Variants in LDHC observed in about 807,000 individuals in gnomAD.
LDHC encodes lactate dehydrogenase C, also known as L-lactate dehydrogenase C chain.
Under a neutral mutation model 30.2 loss-of-function variants are expected in LDHC, and 20 were observed. The ratio of observed to expected loss-of-function variants is 0.66; its 90% CI spans 0.47 to 0.96. The LOEUF (loss-of-function observed/expected upper bound fraction) is 0.96. Among genes scored for constraint, LDHC ranks in the 40% least tolerant of loss-of-function variants. LDHC has a pLI of 0.00. For synonymous variants in LDHC, 139 were observed against 132.7 expected, an observed-to-expected ratio of 1.05 and a Z score of -0.32; for missense variants, 362 against 394.9, an observed-to-expected ratio of 0.92 and a Z score of 0.71.
chr11:18,442,738 C>T (rs569536274), intron 6 of LDHC, among the ~76,000 whole-genome samples: 1 of 145,664 alleles, frequency 6.9e-6, no homozygotes, highest in African/African-American at 2.5e-5. Flanking sequence ...TTTTGGCTCA[C>T]TGCAACCTCC....
intron 4 of LDHC, among the ~76,000 whole-genome samples, chr11:18,432,818 C>T (rs1848291652): frequency 6.6e-6 from 1 of 152,150 alleles, no homozygotes; most frequent in Non-Finnish European, 1.5e-5. Context: ...CATGAAATGC[C>T]TTTTTCCACC....
At chr11:18,443,633 T>A (rs1848504039) in intron 6 of LDHC, among the ~76,000 whole-genome samples, 1 of 152,038 alleles carries the variant, frequency 6.6e-6, no homozygotes, top group South Asian at 2.1e-4. Flanking sequence ...CCACTTTTTG[T>A]ATTTTTGGTA....
Position 18,451,249 on chromosome 11 carries a change from TAACTC to T in LDHC, c.*123_*127del, listed in dbSNP as rs367740037. 59 of 598,880 alleles carry T rather than the reference TAACTC, an allele frequency of 9.9e-5. 1 individual carries two copies. The African/African-American group carries it at 1.1e-3, about 11-fold the overall frequency. The allele number at this position is 598,880 out of a possible 1,614,324, so 37.1% of individuals were successfully genotyped here. ...AAAAACAAATTGGAGACCTGTGACA[TAACTC>T]TAGTCTCTCAAGATTAGAACGAGCA... On this transcript the variant is annotated 3_prime_UTR_variant, in exon 8 of 8. Transcript: ENST00000541669.
chr11:18,429,434 C>T (rs529280916), intron 3 of LDHC, among the ~76,000 whole-genome samples: 43 of 152,162 alleles, frequency 2.8e-4, no homozygotes, highest in African/African-American at 9.4e-4. Flanking sequence ...TCTAAGAAGG[C>T]AGAGAGCTGA....
At chr11:18,446,188 T>C (rs916558049) in intron 6 of LDHC, 22 bp from the exon 7 acceptor site, 1 of 1,585,378 alleles carries the variant, frequency 6.3e-7, no homozygotes, top group Non-Finnish European at 8.6e-7. Context: ...GAATTTGATT[T>C]TCTTACTTTC....
At chr11:18,430,878 A>G (rs1388440017) in intron 4 of LDHC, among the ~76,000 whole-genome samples, 2 of 152,196 alleles carry the variant, frequency 1.3e-5, no homozygotes, top group African/African-American at 4.8e-5. Context: ...GAAATTACCA[A>G]ACAGGTTGGG....
intron 3 of LDHC, among the ~76,000 whole-genome samples, chr11:18,425,551 T>C (rs1482752772): frequency 1.3e-5 from 2 of 152,022 alleles, no homozygotes; most frequent in African/African-American, 4.8e-5. Flanking sequence ...TGGCCTTTTG[T>C]GTGGTTTTAA....
At chr11:18,444,048 A>T (rs937645480) in intron 6 of LDHC, among the ~76,000 whole-genome samples, 8 of 152,120 alleles carry the variant, frequency 5.3e-5, no homozygotes, top group African/African-American at 1.9e-4. Flanking sequence ...TTGTCTAACC[A>T]CCAATTGCAG....
At chr11:18,416,979 G>A (rs969480553) in intron 3 of LDHC, among the ~76,000 whole-genome samples, 1 of 152,118 alleles carries the variant, frequency 6.6e-6, no homozygotes, top group African/African-American at 2.4e-5. Flanking sequence ...CACCTCCGAG[G>A]TTCAAACGAT....
intron 4 of LDHC, among the ~76,000 whole-genome samples, chr11:18,434,495 T>C (rs1848322492): frequency 6.6e-6 from 1 of 152,116 alleles, no homozygotes; most frequent in African/African-American, 2.4e-5. Flanking sequence ...TATTTGTTGG[T>C]AGAGACAGTT....
At chr11:18,434,123 A>G (rs574968558) in intron 4 of LDHC, among the ~76,000 whole-genome samples, 2 of 152,078 alleles carry the variant, frequency 1.3e-5, no homozygotes, top group African/African-American at 4.8e-5. Context: ...CATTTCACAT[A>G]TCTAAAAGTG....
chr11:18,421,558 A>G (rs1474004742), intron 3 of LDHC, among the ~76,000 whole-genome samples: 1 of 152,026 alleles, frequency 6.6e-6, no homozygotes. Flanking sequence ...CTATAATCCC[A>G]GCTACTCAGG....
chr11:18,440,147 A>AAG (rs923261997), intron 6 of LDHC, among the ~76,000 whole-genome samples: 2 of 147,704 alleles, frequency 1.4e-5, no homozygotes, highest in African/African-American at 5.1e-5. Flanking sequence ...TAAAATACAA[A>AAG]AAAAAAAAAA....
chr11:18,440,947 T>A (rs2643858), intron 6 of LDHC, among the ~76,000 whole-genome samples: 132,271 of 149,926 alleles, frequency 0.88, 58,363 homozygotes, highest in East Asian at 0.95. Flanking sequence ...TCTAAAAAAA[T>A]AAATAAATAA....
chr11:18,422,550 T>C (rs1418574876), intron 3 of LDHC, among the ~76,000 whole-genome samples: 1 of 135,278 alleles, frequency 7.4e-6, no homozygotes. Context: ...CAAGACTCCA[T>C]CTCAAAAAAA....
chr11:18,418,701 A>T (rs1345065818), intron 3 of LDHC, among the ~76,000 whole-genome samples: 2 of 152,186 alleles, frequency 1.3e-5, no homozygotes, highest in African/African-American at 4.8e-5. Flanking sequence ...TGCTGGGATT[A>T]TAGGTGTGAG....
rs1285890598 is a variant in LDHC, at chr11:18,415,350, A to G, written c.244+49A>G. 3.3e-5 allele frequency: 32 copies of G among 976,690 alleles called. No homozygotes were observed. The East Asian group carries it at 7.2e-4, about 22-fold the overall frequency. 60.5% of individuals were successfully genotyped at this position (976,690 alleles called of 1,614,324 possible). A position where few individuals can be genotyped will look rare whatever the true frequency, so the allele number is the denominator to read the frequency against. ...ATTTTCAAAGCTTTTTAAAAAAGTA[A>G]TAAATTTTACCAAACAGATGTCAAT... On this transcript the variant is annotated intron_variant, in intron 3 of 7. Transcript: ENST00000541669.
intron 3 of LDHC, among the ~76,000 whole-genome samples, chr11:18,422,275 G>T (rs1189268581): frequency 6.6e-6 from 1 of 151,850 alleles, no homozygotes; most frequent in Non-Finnish European, 1.5e-5. Flanking sequence ...AGAAATCAAG[G>T]CCGGGCACGA....
Position 18,451,003 on chromosome 11 carries a change from C to T in LDHC, c.875C>T (p.Pro292Leu). The change falls in exon 8 of 8, where the codon CCT becomes CTT. Residue 292 changes from proline to leucine, a missense_variant. Physicochemically the swap from Pro to Leu is moderately conservative, Grantham distance 98. Coordinates refer to ENST00000541669, the MANE Select transcript of LDHC (RefSeq NM_017448.5). Reference sequence around the variant, plus strand: ...AAAGAAGAACTCTTTCTCAGTATCCCTTGTGTCTTGGGGCGGAATGGTGTC... The same window carrying T: ...AAAGAAGAACTCTTTCTCAGTATCCTTTGTGTCTTGGGGCGGAATGGTGTC... ...GIKEELFLSI[P>L]CVLGRNGVSD... 1 of 1,594,688 alleles carries T rather than the reference C, an allele frequency of 6.3e-7. No homozygotes were observed. Among genetic ancestry groups the T allele is most frequent in the Non-Finnish European group, 8.5e-7 (1 of 1,173,584 alleles).
Sources: allele counts gnomAD v4.1 joint callset (sites outside exome capture counted in the v4.1 genomes callset), GRCh38; gene constraint gnomAD v4.1.1; transcripts MANE v1.5; gene names NCBI Gene and HGNC (gene_info 2026-07-23, HGNC 2026-07-21).